The following HS3ST4 variants were observed in gnomAD, a reference collection of about 807,000 sequenced individuals.
HS3ST4 encodes the protein heparan sulfate-glucosamine 3-sulfotransferase 4.
Under a neutral mutation model 29.2 loss-of-function variants are expected in HS3ST4, and 17 were observed. That is an observed-to-expected ratio of 0.58 (90% confidence interval 0.40 to 0.87). The LOEUF (loss-of-function observed/expected upper bound fraction) is 0.87. HS3ST4 is among the 40% of genes least tolerant of loss of function. HS3ST4 has a pLI of 0.00. For synonymous variants in HS3ST4, 314 were observed against 285.7 expected, an observed-to-expected ratio of 1.10 and a Z score of -1.00; for missense variants, 627 against 634.5, an observed-to-expected ratio of 0.99 and a Z score of 0.13.
chr16:25,769,996 A>AT (rs1267560704), intron 1 of HS3ST4, among the ~76,000 whole-genome samples: 3 of 151,900 alleles, frequency 2.0e-5, no homozygotes, highest in African/African-American at 4.8e-5. Flanking sequence ...CACTGAAAGG[A>AT]TTTTTTTTAC....
chr16:26,041,179 G>A (rs1969633343), intron 1 of HS3ST4, among the ~76,000 whole-genome samples: 1 of 151,762 alleles, frequency 6.6e-6, no homozygotes, highest in African/African-American at 2.4e-5. Context: ...CTCTATAAAA[G>A]CATTTTTAAA....
rs140205578 is a variant in HS3ST4, at chr16:25,728,934, T to G, written c.734+35783T>G. On this transcript the variant is annotated intron_variant, in intron 1 of 1. Transcript: ENST00000331351. ...CCCCATTTCTATAAAAAAATAAAAA[T>G]TAGCTGAGTATGGTGGCCTGTGCCT... Among the ~76,000 whole-genome samples the G allele has an allele frequency of 7.2e-5, 11 of 151,868 alleles. No homozygotes were observed. The East Asian group carries it at 2.1e-3, about 30-fold the overall frequency.
chr16:25,976,856 C>T (rs997394217), intron 1 of HS3ST4, among the ~76,000 whole-genome samples: 2 of 152,124 alleles, frequency 1.3e-5, no homozygotes, highest in African/African-American at 4.8e-5. Flanking sequence ...GAGTGGTAGA[C>T]GGCATGTAAA....
At chr16:26,028,447 A>C (rs1457725469) in intron 1 of HS3ST4, among the ~76,000 whole-genome samples, 1 of 152,082 alleles carries the variant, frequency 6.6e-6, no homozygotes, top group African/African-American at 2.4e-5. Context: ...TTAAAACAAA[A>C]CTATTTATTT....
intron 1 of HS3ST4, among the ~76,000 whole-genome samples, chr16:26,027,945 CAAAG>C (rs914013887): frequency 6.6e-6 from 1 of 152,034 alleles, no homozygotes; most frequent in Non-Finnish European, 1.5e-5. Flanking sequence ...ATCTGGAAAA[CAAAG>C]AGTCTTTTTA....
intron 1 of HS3ST4, among the ~76,000 whole-genome samples, chr16:26,076,992 A>C (rs1898671165): frequency 1.3e-5 from 2 of 152,140 alleles, no homozygotes; most frequent in Admixed American, 1.3e-4. Flanking sequence ...ATGTCCCAAA[A>C]CTTTGTGATT....
intron 1 of HS3ST4, among the ~76,000 whole-genome samples, chr16:26,105,751 G>A (rs769840731): frequency 6.6e-6 from 1 of 152,222 alleles, no homozygotes; most frequent in Non-Finnish European, 1.5e-5. Context: ...ATTTCCCCAG[G>A]CTTCCCCCAT....
intron 1 of HS3ST4, among the ~76,000 whole-genome samples, chr16:25,941,417 C>CTGA (rs1325400727): frequency 6.9e-6 from 1 of 144,578 alleles, no homozygotes; most frequent in Non-Finnish European, 1.5e-5. Context: ...CCTTGGCCAC[C>CTGA]CGAAGTGCTA....
intron 1 of HS3ST4, among the ~76,000 whole-genome samples, chr16:26,011,595 A>G (rs1006392668): frequency 6.6e-6 from 1 of 152,188 alleles, no homozygotes; most frequent in African/African-American, 2.4e-5. Context: ...TTTAAAATAC[A>G]TGACCACGTA....
At chr16:25,745,098 C>CAT (rs1567231593) in intron 1 of HS3ST4, among the ~76,000 whole-genome samples, 1 of 152,074 alleles carries the variant, frequency 6.6e-6, no homozygotes, top group Non-Finnish European at 1.5e-5. Flanking sequence ...AGGACTTAGT[C>CAT]ATATTGGCCA....
chr16:26,128,842 T>C (rs2141814768), intron 1 of HS3ST4, among the ~76,000 whole-genome samples: 1 of 152,106 alleles, frequency 6.6e-6, no homozygotes, highest in South Asian at 2.1e-4. Context: ...GAATTTTGAG[T>C]TTCTTTCTTC....
intron 1 of HS3ST4, among the ~76,000 whole-genome samples, chr16:25,979,176 A>G (rs556537088): frequency 1.3e-5 from 2 of 152,198 alleles, no homozygotes; most frequent in South Asian, 4.1e-4. Flanking sequence ...GATTACAGAC[A>G]TGAGCCACTG....
At position 25,715,895 on chromosome 16, in the gene HS3ST4, A is replaced by G. The variant is rs569768072; in HGVS notation, c.734+22744A>G. Among the ~76,000 whole-genome samples the G allele has an allele frequency of 2.6e-5, 4 of 152,328 alleles. No homozygotes were observed. In the East Asian group the frequency reaches 7.7e-4, roughly 29 times the overall value. ...CTTGGCAGCTGTCAGCACCTTGTAT[A>G]TATCCAGAGAGCAATTCCCCCTATA... On this transcript the variant is annotated intron_variant, in intron 1 of 1. Coordinates refer to ENST00000331351, the MANE Select transcript of HS3ST4 (RefSeq NM_006040.3).
At chr16:25,889,813 A>G (rs4787342) in intron 1 of HS3ST4, among the ~76,000 whole-genome samples, 48,831 of 151,912 alleles carry the variant, frequency 0.32, 8,708 homozygotes, top group East Asian at 0.71. Context: ...GAGGTAATTG[A>G]ATCATTGGGG....
chr16:25,773,698 T>G (rs905022848), intron 1 of HS3ST4, among the ~76,000 whole-genome samples: 3 of 152,216 alleles, frequency 2.0e-5, no homozygotes, highest in African/African-American at 7.2e-5. Flanking sequence ...TTTGGTGACA[T>G]GGATGAATTG....
At chr16:26,015,351 G>C (rs148223392) in intron 1 of HS3ST4, among the ~76,000 whole-genome samples, 2 of 152,202 alleles carry the variant, frequency 1.3e-5, no homozygotes, top group African/African-American at 2.4e-5. Flanking sequence ...GCAGAATCTG[G>C]TGGGGAATGG....
chr16:25,736,341 A>C (rs1966610139), intron 1 of HS3ST4, among the ~76,000 whole-genome samples: 1 of 152,226 alleles, frequency 6.6e-6, no homozygotes, highest in Non-Finnish European at 1.5e-5. Flanking sequence ...AAACCTTGCC[A>C]TATGAAGTCA....
At position 26,055,980 on chromosome 16, in the gene HS3ST4, A is replaced by G. The variant is rs886323657; in HGVS notation, c.735-79632A>G. On this transcript the variant is annotated intron_variant, in intron 1 of 1. Coordinates refer to ENST00000331351, the MANE Select transcript of HS3ST4 (RefSeq NM_006040.3). ...CTCCTCAGGGTATAAACACAACACC[A>G]TACCTGACCGGCTGGATTTACATCA... 2.6e-5 allele frequency among the ~76,000 whole-genome samples: 4 copies of G among 151,992 alleles called. No individual in the cohort carries two copies. The East Asian group carries it at 5.8e-4, about 22-fold the overall frequency.
At chr16:26,120,212 T>C (rs1899257091) in intron 1 of HS3ST4, among the ~76,000 whole-genome samples, 1 of 152,150 alleles carries the variant, frequency 6.6e-6, no homozygotes. Flanking sequence ...GCATCTCTCC[T>C]TTTCTGTCTA....
Sources: gnomAD v4.1 joint callset for allele counts (sites outside exome capture counted in the v4.1 genomes callset) on GRCh38, gnomAD v4.1.1 for gene constraint, MANE v1.5 for transcripts, NCBI Gene and HGNC (gene_info 2026-07-23, HGNC 2026-07-21) for gene names.